Variants in CENPE observed in about 807,000 individuals in gnomAD.
CENPE encodes the protein centromere-associated protein E.
Under a neutral mutation model 336.1 loss-of-function variants are expected in CENPE, and 145 were observed. That is an observed-to-expected ratio of 0.43 (90% CI 0.38 to 0.50). The LOEUF is 0.50. Ranked by LOEUF, CENPE falls within the 20% of genes least tolerant of loss-of-function variation. CENPE has a pLI of 0.00. For missense variants in CENPE, 2,719 were observed against 3,023.3 expected, an observed-to-expected ratio of 0.90 and a Z score of 2.36; for synonymous variants, 1,013 against 984.8, an observed-to-expected ratio of 1.03 and a Z score of -0.54.
chr4:103,116,665 G>T lies in CENPE; in HGVS notation c.7354C>A (p.Pro2452Thr), dbSNP rs777134934. The change falls in exon 45 of 49, where the codon CCA becomes ACA. Residue 2452 changes from proline to threonine, a missense_variant. Coordinates refer to ENST00000265148, the MANE Select transcript of CENPE (RefSeq NM_001813.3). ...AGATCTTCAATTTCTTCTTTATATG[G>T]CTTAGCTCCTAAAGCAACTTTGTCC... Reference protein sequence around the residue: ...LQDKVALGAKPYKEEIEDLKM... With the variant: ...LQDKVALGAKTYKEEIEDLKM... The T allele has an allele frequency of 1.3e-6, 2 of 1,581,296 alleles. No individual in the cohort carries two copies. Among genetic ancestry groups the T allele is most frequent in the East Asian group, 2.3e-5 (1 of 43,898 alleles).
In CENPE at chr4:103,116,362, T is replaced by C. The variant is rs80339868; in HGVS notation, c.7442+215A>G. The C allele has an allele frequency of 8.0e-3, 2,476 of 308,644 alleles. 53 individuals are homozygous for C. Among genetic ancestry groups the C allele is most frequent in the African/African-American group, 0.045 (2,047 of 45,274 alleles). The allele number at this position is 308,644 out of a possible 1,614,324, so 19.1% of individuals were successfully genotyped here. On this transcript the variant is annotated intron_variant, in intron 45 of 48. Coordinates refer to ENST00000265148, the MANE Select transcript of CENPE (RefSeq NM_001813.3). ...CTAAGAAGTGTTCAAAGACACAGCGTGTTAATTGATCAGAATTGTGTTTAG... is the reference window on the plus strand; with the variant it reads ...CTAAGAAGTGTTCAAAGACACAGCGCGTTAATTGATCAGAATTGTGTTTAG...
chr4:103,179,598 G>C (rs139707634), intron 13 of CENPE, among the ~76,000 whole-genome samples: 1 of 152,254 alleles, frequency 6.6e-6, no homozygotes, highest in African/African-American at 2.4e-5. Flanking sequence ...ATGCTGTGTG[G>C]AAAGTGCTGT....
At chr4:103,151,474 A>G in intron 25 of CENPE, 97 bp from the exon 26 acceptor site, 1 of 896,006 alleles carries the variant, frequency 1.1e-6, no homozygotes, top group Non-Finnish European at 1.6e-6. Context: ...GCAAATGAAG[A>G]AATCAGGGAA....
At position 103,176,982 on chromosome 4, in the gene CENPE, T is replaced by A; in HGVS notation, c.1307A>T (p.Tyr436Phe). 6.2e-7 allele frequency: 1 copy of A among 1,608,062 alleles called. No homozygotes were observed. Among genetic ancestry groups the A allele is most frequent in the Non-Finnish European group, 8.5e-7 (1 of 1,177,132 alleles). ...TGTTGGTATATTAAATTGATCTGCA[T>A]AGTTTGAGTTCTTCATTTTGTTAAT... ...GKINKMKNSN[Y>F]ADQFNIPTNI... The change falls in exon 14 of 49, where the codon TAT becomes TTT. Residue 436 changes from tyrosine to phenylalanine, a missense_variant. This residue lies in a region of CENPE where 2,437 missense variants were observed against 2,513.3 expected (regional missense o/e 0.97). Coordinates refer to ENST00000265148, the MANE Select transcript of CENPE (RefSeq NM_001813.3).
chr4:103,161,278 C>A, intron 19 of CENPE, 27 bp from the exon 20 acceptor site: 4 of 1,600,524 alleles, frequency 2.5e-6, no homozygotes, highest in Non-Finnish European at 3.4e-6. Context: ...TGCAAATGCA[C>A]AAAAATACAC....
chr4:103,172,906 G>A (rs1310081551), intron 16 of CENPE, among the ~76,000 whole-genome samples: 1 of 151,938 alleles, frequency 6.6e-6, no homozygotes, highest in Non-Finnish European at 1.5e-5. Flanking sequence ...TGGATTGGAA[G>A]AATATTGTTA....
At chr4:103,117,874 C>T (rs1238392492) in intron 44 of CENPE, among the ~76,000 whole-genome samples, 1 of 152,192 alleles carries the variant, frequency 6.6e-6, no homozygotes, top group Middle Eastern at 3.4e-3. Flanking sequence ...GTGATCCGCC[C>T]GCCTCAGCCT....
intron 28 of CENPE, among the ~76,000 whole-genome samples, chr4:103,148,227 C>T (rs1457285562): frequency 6.6e-6 from 1 of 152,172 alleles, no homozygotes; most frequent in East Asian, 1.9e-4. Context: ...CTGTTTCATA[C>T]TTATTTCTCC....
intron 16 of CENPE, among the ~76,000 whole-genome samples, chr4:103,164,252 C>A (rs1754723402): frequency 6.6e-6 from 1 of 152,048 alleles, no homozygotes; most frequent in Non-Finnish European, 1.5e-5. Flanking sequence ...CATTAAATAT[C>A]TGAGTACCAA....
At chr4:103,141,938 T>C in intron 34 of CENPE, 30 bp from the exon 35 acceptor site, 4 of 1,343,226 alleles carry the variant, frequency 3.0e-6, no homozygotes, top group Non-Finnish European at 4.2e-6. Flanking sequence ...TTAAAAACAG[T>C]GACATATCTT....
intron 21 of CENPE, among the ~76,000 whole-genome samples, chr4:103,160,251 AC>A (rs1232685108): frequency 6.6e-6 from 1 of 151,768 alleles, no homozygotes; most frequent in African/African-American, 2.4e-5. Flanking sequence ...TATCAGTGCA[AC>A]CTCTTTTCCC....
At chr4:103,164,846 T>C (rs1372838118) in intron 16 of CENPE, among the ~76,000 whole-genome samples, 1 of 152,170 alleles carries the variant, frequency 6.6e-6, no homozygotes, top group Non-Finnish European at 1.5e-5. Flanking sequence ...GCTCCTTCTT[T>C]CACCTTTTCT....
rs894160076 is a variant in CENPE, at chr4:103,153,153, T to C, written c.3131A>G (p.Lys1044Arg). The change falls in exon 25 of 49, where the codon AAG becomes AGG. Residue 1044 changes from lysine (K) to arginine (R), a missense_variant. By Grantham distance (26) the Lys-to-Arg change is conservative. Around this residue, in one of 5 missense-constraint regions of CENPE, gnomAD observed 2,437 missense variants for 2,513.3 expected, o/e 0.97. Coordinates refer to ENST00000265148, the MANE Select transcript of CENPE (RefSeq NM_001813.3). ...KDNEIIEQQR[K>R]IFSLIQEKNE... ...TTTCTCCTGTATTAAAGAAAATATC[T>C]TCCTTTGTTGCTCAATTATCTCATT... 2.5e-6 allele frequency: 4 copies of C among 1,612,762 alleles called. No homozygotes were observed. Among genetic ancestry groups the C allele is most frequent in the Middle Eastern group, 1.7e-4 (1 of 6,048 alleles).
Position 103,120,173 on chromosome 4 carries a change from G to GA in CENPE, c.7303_7304insT (p.Thr2435IlefsTer17), listed in dbSNP as rs1234903570. The GA allele has an allele frequency of 6.2e-7, 1 of 1,601,794 alleles. No homozygotes were observed. Among genetic ancestry groups the GA allele is most frequent in the Non-Finnish European group, 8.5e-7 (1 of 1,176,232 alleles). On this transcript the variant is annotated frameshift_variant, in exon 44 of 49. Transcript: ENST00000265148. LOFTEE classifies it high-confidence loss of function. ...CTGAAGTACTTGAATTGTCTCTTTT[G>GA]TTTTTTCAAGGCATTTATTTGATTC...
chr4:103,161,627 A>T (rs1450275777), intron 18 of CENPE, among the ~76,000 whole-genome samples, 170 bp from the exon 19 acceptor site: 1 of 152,158 alleles, frequency 6.6e-6, no homozygotes, highest in Non-Finnish European at 1.5e-5. Context: ...AATAATTTTT[A>T]AAAATTCTGG....
chr4:103,174,433 C>G (rs1445392916), intron 16 of CENPE, among the ~76,000 whole-genome samples: 1 of 151,916 alleles, frequency 6.6e-6, no homozygotes, highest in African/African-American at 2.4e-5. Flanking sequence ...CTCTATTGTA[C>G]AGCAAGGTGA....
chr4:103,106,395 G>A, intron 48 of CENPE, 79 bp from the exon 49 acceptor site: 1 of 1,049,368 alleles, frequency 9.5e-7, no homozygotes, highest in South Asian at 1.6e-5. Flanking sequence ...GTGGAAAGGA[G>A]GTTAAGACAG....
At chr4:103,154,140 G>C (rs1753779994) in intron 24 of CENPE, among the ~76,000 whole-genome samples, 1 of 151,782 alleles carries the variant, frequency 6.6e-6, no homozygotes, top group African/African-American at 2.4e-5. Flanking sequence ...TGCCTACACA[G>C]GTATTTAAAA....
At chr4:103,140,135 A>G in intron 37 of CENPE, 56 bp from the exon 38 acceptor site, 9 of 1,485,894 alleles carry the variant, frequency 6.1e-6, no homozygotes, top group Non-Finnish European at 8.2e-6. Flanking sequence ...AGGAAGGCAA[A>G]TAGTGTCTAC....
Sources: allele counts gnomAD v4.1 joint callset (sites outside exome capture counted in the v4.1 genomes callset), GRCh38; gene constraint gnomAD v4.1.1; regional missense constraint gnomAD v4.1.1; transcripts MANE v1.5; gene names NCBI Gene and HGNC (gene_info 2026-07-23, HGNC 2026-07-21).